The following PIGN variants were observed in gnomAD, a reference collection of about 807,000 sequenced individuals.
PIGN encodes the protein GPI ethanolamine phosphate transferase 1.
A neutral mutation model predicts 125.4 loss-of-function variants in PIGN; 117 were observed. That is an observed-to-expected ratio of 0.93 (90% confidence interval 0.80 to 1.09). The LOEUF (loss-of-function observed/expected upper bound fraction) is 1.09. PIGN is among the 50% of genes least tolerant of loss of function. The probability of loss-of-function intolerance (pLI) is 0.00; values close to 1 mark genes in which losing one functional copy is unlikely to be tolerated. For synonymous variants in PIGN, 392 were observed against 377.8 expected (o/e 1.04, Z -0.44); for missense variants, 1,075 against 1,094.9 (o/e 0.98, Z 0.26).
chr18:62,181,564 A>G (rs1187253130), intron 1 of PIGN, among the ~76,000 whole-genome samples: 1 of 152,012 alleles, frequency 6.6e-6, no homozygotes, highest in Non-Finnish European at 1.5e-5. Flanking sequence ...GTGCATGTTT[A>G]CCACATTCAG....
intron 30 of PIGN, among the ~76,000 whole-genome samples, chr18:62,061,465 A>G (rs1195360950): frequency 1.5e-5 from 1 of 68,876 alleles, no homozygotes; most frequent in Non-Finnish European, 3.1e-5. Context: ...AGATTGTGCC[A>G]CTGCAGTCCG....
At position 62,064,834 on chromosome 18, in the gene PIGN, A is replaced by G. The variant is rs140932995; in HGVS notation, c.2672+7839T>C. Among the ~76,000 whole-genome samples, 222 of 152,152 alleles carry G rather than the reference A, an allele frequency of 1.5e-3. 2 individuals carry two copies. The highest frequency in any genetic ancestry group is 2.7e-3 in the South Asian group (13 of 4,818). ...TGTGGCAAAACAATACAATCCCCCA[A>G]TTAGTTTCTGGTGATCCCAGAGGGA... is the stretch of plus-strand genomic sequence containing the variant. On this transcript the variant is annotated intron_variant, in intron 30 of 30. Coordinates refer to ENST00000640252, the MANE Select transcript of PIGN (RefSeq NM_176787.5).
intron 11 of PIGN, among the ~76,000 whole-genome samples, chr18:62,141,491 C>A (rs978604372): frequency 6.6e-6 from 1 of 152,194 alleles, no homozygotes; most frequent in Non-Finnish European, 1.5e-5. Flanking sequence ...GTTCGCTAGT[C>A]CCTCATTTAA....
intron 12 of PIGN, among the ~76,000 whole-genome samples, chr18:62,139,428 A>C (rs79235472): frequency 1.3e-5 from 2 of 152,248 alleles, no homozygotes. Flanking sequence ...CAGACATATC[A>C]GAGTGTACTG....
At position 62,139,048 on chromosome 18, in the gene PIGN, T is replaced by C; in HGVS notation, c.1051A>G (p.Asn351Asp). The C allele has an allele frequency of 6.2e-7, 1 of 1,606,708 alleles. No individual in the cohort carries two copies. The change falls in exon 13 of 31, where the codon AAC (asparagine) becomes GAC (aspartate). Residue 351 changes from asparagine to aspartate, a missense_variant. By Grantham distance (23) the Asn-to-Asp change is conservative. Transcript: ENST00000640252. ...CTCTCTGCTTTGAAGAGATCAGTGT[T>C]GTTAAGATAATCCACAGGAAGGATT... ...VGILPVDYLN[N>D]TDLFKAESMF...
intron 1 of PIGN, among the ~76,000 whole-genome samples, chr18:62,176,784 G>C (rs1041849803): frequency 1.3e-5 from 2 of 152,038 alleles, no homozygotes; most frequent in Non-Finnish European, 2.9e-5. Flanking sequence ...GGAAAAACTA[G>C]TTAACTTCAA....
At chr18:62,171,765 G>A (rs1446109130) in intron 1 of PIGN, among the ~76,000 whole-genome samples, 2 of 152,080 alleles carry the variant, frequency 1.3e-5, no homozygotes, top group Non-Finnish European at 2.9e-5. Flanking sequence ...TTAATGTGGT[G>A]AATTAATATT....
intron 3 of PIGN, among the ~76,000 whole-genome samples, chr18:62,161,598 A>G (rs1166669982): frequency 1.3e-5 from 2 of 152,220 alleles, no homozygotes; most frequent in Non-Finnish European, 2.9e-5. Flanking sequence ...TCTAAGCAAA[A>G]AGAAAAAGTT....
intron 23 of PIGN, among the ~76,000 whole-genome samples, chr18:62,032,448 G>A (rs927257338): frequency 4.6e-5 from 7 of 152,194 alleles, no homozygotes; most frequent in Non-Finnish European, 8.8e-5. Flanking sequence ...TGGTGCAAGT[G>A]TGCCCCAAGC....
intron 8 of PIGN, 141 bp downstream of exon 8, chr18:62,148,073 A>T: frequency 1.7e-6 from 1 of 572,240 alleles, no homozygotes; most frequent in Non-Finnish European, 2.9e-6. Flanking sequence ...AATCTCATAT[A>T]ATTGAGAACT....
intron 28 of PIGN, among the ~76,000 whole-genome samples, chr18:62,076,271 T>A (rs1472719275): frequency 6.6e-6 from 1 of 152,226 alleles, no homozygotes; most frequent in Non-Finnish European, 1.5e-5. Context: ...TGGCTAATAA[T>A]GCTGAACAAC....
At chr18:62,025,915 C>T (rs1208364324) in intron 23 of PIGN, among the ~76,000 whole-genome samples, 1 of 152,172 alleles carries the variant, frequency 6.6e-6, no homozygotes, top group East Asian at 1.9e-4. Context: ...TAGATTGTTG[C>T]TACCCATGCG....
chr18:62,020,016 C>T (rs2030034101), intron 23 of PIGN, among the ~76,000 whole-genome samples: 1 of 152,220 alleles, frequency 6.6e-6, no homozygotes, highest in Non-Finnish European at 1.5e-5. Context: ...TGGGAGAGTG[C>T]TTGCAGAGGA....
At position 62,178,358 on chromosome 18, in the gene PIGN, C is replaced by T. The variant is rs143610319; in HGVS notation, c.-236+8486G>A. On this transcript the variant is annotated intron_variant, in intron 1 of 30. Transcript: ENST00000640252. ...TCACTCTGCCCCCTTATGCTTGTTT[C>T]AGTGGAGGAACTAACCCTTATAATA... 6.4e-4 allele frequency among the ~76,000 whole-genome samples: 98 copies of T among 151,990 alleles called. 2 individuals are homozygous for T. The East Asian group carries it at 0.018, about 28-fold the overall frequency.
At chr18:62,151,815 G>A (rs966467042) in intron 7 of PIGN, among the ~76,000 whole-genome samples, 9 of 152,182 alleles carry the variant, frequency 5.9e-5, no homozygotes, top group Non-Finnish European at 8.8e-5. Context: ...CAGATTTGTT[G>A]CCGGTAATTC....
intron 7 of PIGN, among the ~76,000 whole-genome samples, chr18:62,152,080 T>C (rs571826547): frequency 1.1e-4 from 17 of 152,078 alleles, no homozygotes; most frequent in Non-Finnish European, 2.4e-4. Context: ...AATACATTGG[T>C]TTGGTCCAGA....
intron 14 of PIGN, among the ~76,000 whole-genome samples, chr18:62,116,412 T>C (rs530832001): frequency 5.3e-5 from 8 of 152,192 alleles, no homozygotes; most frequent in Non-Finnish European, 1.2e-4. Context: ...CTAATCTTCC[T>C]GGACTATTGA....
intron 23 of PIGN, among the ~76,000 whole-genome samples, chr18:62,022,581 A>G (rs1355503371): frequency 1.3e-5 from 2 of 152,200 alleles, no homozygotes; most frequent in African/African-American, 4.8e-5. Flanking sequence ...AACACTCTTA[A>G]TAGTCAAGGG....
In PIGN at chr18:62,107,930, A is replaced by G. The variant is rs143672827; in HGVS notation, c.1575-845T>C. Among the ~76,000 whole-genome samples, 325 of 152,326 alleles carry G rather than the reference A, an allele frequency of 2.1e-3. 2 individuals carry two copies. The highest frequency in any genetic ancestry group is 3.1e-3 in the Admixed American group (48 of 15,298). ...TTGTACACTAACGGTAATCAAGTGA[A>G]CTCATAACCATCAAAAATGTATTAC... On this transcript the variant is annotated intron_variant, in intron 17 of 30. Coordinates refer to ENST00000640252, the MANE Select transcript of PIGN (RefSeq NM_176787.5).
Sources: allele counts gnomAD v4.1 joint callset (sites outside exome capture counted in the v4.1 genomes callset), GRCh38; gene constraint gnomAD v4.1.1; transcripts MANE v1.5; gene names NCBI Gene and HGNC (gene_info 2026-07-23, HGNC 2026-07-21).